Variants in CPNE2 observed in about 807,000 individuals in gnomAD.
CPNE2 encodes copine 2, also known as copine-2.
A neutral mutation model predicts 69.7 loss-of-function variants in CPNE2; 42 were observed. That is an observed-to-expected ratio of 0.60 (90% CI 0.47 to 0.78). The LOEUF (loss-of-function observed/expected upper bound fraction) is 0.78. Among genes scored for constraint, CPNE2 ranks in the 30% least tolerant of loss-of-function variants. The pLI, the probability that CPNE2 is intolerant of heterozygous loss-of-function variation, is 0.00. For missense variants in CPNE2, 587 were observed against 732.0 expected (o/e 0.80, Z 2.29); for synonymous variants, 294 against 289.8 (o/e 1.01, Z -0.15).
intron 1 of CPNE2, among the ~76,000 whole-genome samples, chr16:57,099,554 G>C (rs552086659): frequency 6.6e-6 from 1 of 150,560 alleles, no homozygotes; most frequent in Admixed American, 6.6e-5. Context: ...CACATGGTAT[G>C]GTCAGCTTTT....
chr16:57,102,062 C>G (rs2069617799), intron 1 of CPNE2, among the ~76,000 whole-genome samples: 1 of 151,792 alleles, frequency 6.6e-6, no homozygotes, highest in South Asian at 2.1e-4. Flanking sequence ...TTCCCCCCAT[C>G]TCAGCCTCCC....
At chr16:57,114,629 G>A (rs1054307534) in intron 3 of CPNE2, among the ~76,000 whole-genome samples, 3 of 152,110 alleles carry the variant, frequency 2.0e-5, no homozygotes, top group African/African-American at 4.8e-5. Flanking sequence ...TGTGCTCCCC[G>A]CTGCACAGGA....
At chr16:57,117,429 C>T (rs761642388) in intron 4 of CPNE2, 67 bp from the exon 5 acceptor site, 128 of 1,530,504 alleles carry the variant, frequency 8.4e-5, no homozygotes, top group Non-Finnish European at 1.1e-4. Context: ...CCTGGGGCAC[C>T]CTGTGCCATC....
At chr16:57,144,254 T>C (rs1306034989) in intron 14 of CPNE2, 1 of 152,386 alleles carries the variant, frequency 6.6e-6, no homozygotes. Flanking sequence ...GGCACAGTGC[T>C]GGAGCTAGAC....
intron 13 of CPNE2, among the ~76,000 whole-genome samples, chr16:57,135,279 TC>T (rs869172653): frequency 7.5e-6 from 1 of 134,158 alleles, no homozygotes; most frequent in Non-Finnish European, 1.6e-5. Flanking sequence ...TGGCGGGGGA[TC>T]AGGGGGAGGC....
chr16:57,106,283 T>C (rs2069648160), intron 1 of CPNE2: 1 of 151,196 alleles, frequency 6.6e-6, no homozygotes, highest in Non-Finnish European at 1.5e-5. Flanking sequence ...GGAGTTGCAG[T>C]GAGCTGGGGG....
chr16:57,093,501 TC>T (rs2069558041), intron 1 of CPNE2, among the ~76,000 whole-genome samples: 1 of 151,968 alleles, frequency 6.6e-6, no homozygotes, highest in Non-Finnish European at 1.5e-5. Flanking sequence ...TCCCTGCTCT[TC>T]CCACCCCATC....
Position 57,127,902 on chromosome 16 carries a change from A to T in CPNE2, c.1115A>T (p.Lys372Met). ...GGGGCCCAGTTACCCCCAGACTGGA[A>T]GGTGAGTGAAACCGGAGTTAGTTTC... ...GFGAQLPPDW[K>M]VSHEFAINFN... is the part of the protein sequence containing the mutation. The change falls in exon 12 of 16, where the codon AAG (lysine) becomes ATG (methionine). Residue 372 changes from lysine (K) to methionine (M), a missense_variant and splice_region_variant. Physicochemically the swap from Lys to Met is moderately conservative, Grantham distance 95 (BLOSUM62 -1). This residue lies in a region of CPNE2 where 185 missense variants were observed against 252.3 expected (regional missense o/e 0.73). Coordinates refer to ENST00000290776, the MANE Select transcript of CPNE2 (RefSeq NM_152727.6). The T allele has an allele frequency of 6.2e-7, 1 of 1,614,054 alleles. No individual in the cohort carries two copies. Among genetic ancestry groups the T allele is most frequent in the Non-Finnish European group, 8.5e-7 (1 of 1,179,980 alleles).
At position 57,119,654 on chromosome 16, in the gene CPNE2, A is replaced by AG. The variant is rs1449655496; in HGVS notation, c.681+9dup. The AG allele has an allele frequency of 2.5e-6, 4 of 1,598,978 alleles. No individual in the cohort carries two copies. Among genetic ancestry groups the AG allele is most frequent in the Non-Finnish European group, 3.4e-6 (4 of 1,172,002 alleles). On this transcript the variant is annotated splice_donor_region_variant and intron_variant, in intron 7 of 15. Coordinates refer to ENST00000290776, the MANE Select transcript of CPNE2 (RefSeq NM_152727.6). The stretch of plus-strand genomic sequence containing the variant: ...GGACATGGAGAAGCCCATCCAGGTG[A>AG]GGGGGCTCTGGGGACCCTGCTCCCC...
In CPNE2 at chr16:57,131,474, G is replaced by A. The variant is rs187286691; in HGVS notation, c.1117-3301G>A. Among the ~76,000 whole-genome samples, 563 of 152,372 alleles carry A rather than the reference G, an allele frequency of 3.7e-3. 3 individuals are homozygous for A. Among genetic ancestry groups the A allele is most frequent in the Non-Finnish European group, 6.4e-3 (433 of 68,038 alleles). ...GGGCCACAGTGATGCCATTCGGGGG[G>A]CAGGGCGAGCTGGTGCGGCTGGGCC... On this transcript the variant is annotated intron_variant, in intron 12 of 15. Transcript: ENST00000290776.
chr16:57,126,453 A>G (rs2069801794), intron 11 of CPNE2, among the ~76,000 whole-genome samples: 1 of 150,992 alleles, frequency 6.6e-6, no homozygotes, highest in Non-Finnish European at 1.5e-5. Context: ...AGCAGCTAGC[A>G]TGCACGGACC....
At chr16:57,096,096 C>T (rs1272205973) in intron 1 of CPNE2, among the ~76,000 whole-genome samples, 1 of 152,264 alleles carries the variant, frequency 6.6e-6, no homozygotes, top group Non-Finnish European at 1.5e-5. Flanking sequence ...CCCCTCTTTG[C>T]AGCCTCCTGT....
chr16:57,093,970 C>A (rs898259714), intron 1 of CPNE2: 29 of 449,542 alleles, frequency 6.5e-5, no homozygotes, highest in African/African-American at 5.6e-4. Flanking sequence ...CCAGACCCTC[C>A]CCCCCTGTGG....
At chr16:57,137,024 G>T in intron 13 of CPNE2, 125 bp from the exon 14 acceptor site, 2 of 1,367,092 alleles carry the variant, frequency 1.5e-6, no homozygotes, top group Non-Finnish European at 2.0e-6. Flanking sequence ...TGTCTCACAA[G>T]GCCTATGCTA....
intron 1 of CPNE2, among the ~76,000 whole-genome samples, chr16:57,106,676 G>C (rs2069650696): frequency 1.4e-5 from 2 of 145,832 alleles, no homozygotes; most frequent in South Asian, 4.2e-4. Flanking sequence ...ATGTCACAGA[G>C]GGGGCCTGTG....
chr16:57,131,761 G>A (rs990218816), intron 12 of CPNE2, among the ~76,000 whole-genome samples: 2 of 152,176 alleles, frequency 1.3e-5, no homozygotes, highest in East Asian at 1.9e-4. Context: ...ATTCTGACTC[G>A]CCTCACTCCT....
Position 57,146,585 on chromosome 16 carries a change from G to C in CPNE2, c.1539+264G>C, listed in dbSNP as rs2145289990. ...CATCTAGCCTGAGGCTCTGGGGCAGGGCTTCCTGGAGGACCTGCCCTCTAG... is the reference window on the plus strand; with the variant it reads ...CATCTAGCCTGAGGCTCTGGGGCAGCGCTTCCTGGAGGACCTGCCCTCTAG... On this transcript the variant is annotated intron_variant, in intron 15 of 15. Coordinates refer to ENST00000290776, the MANE Select transcript of CPNE2 (RefSeq NM_152727.6). This position sits in a 1 kb window ranked among gnomAD's most constrained non-coding sequence, Gnocchi z 4.4. 2.1e-6 allele frequency: 1 copy of C among 476,862 alleles called. No homozygotes were observed. Among genetic ancestry groups the C allele is most frequent in the Middle Eastern group, 5.8e-4 (1 of 1,734 alleles). 29.5% of individuals were successfully genotyped at this position (476,862 alleles called of 1,614,324 possible). A position where few individuals can be genotyped will look rare whatever the true frequency, so the allele number is the denominator to read the frequency against.
At chr16:57,099,758 T>C (rs1172142716) in intron 1 of CPNE2, among the ~76,000 whole-genome samples, 1 of 150,652 alleles carries the variant, frequency 6.6e-6, no homozygotes, top group African/African-American at 2.4e-5. Flanking sequence ...TCCGCCACCA[T>C]GTCCGGCTAA....
At chr16:57,128,197 G>A (rs2069813987) in intron 12 of CPNE2, among the ~76,000 whole-genome samples, 1 of 152,068 alleles carries the variant, frequency 6.6e-6, no homozygotes, top group South Asian at 2.1e-4. Flanking sequence ...TTGAATTTCA[G>A]GTAAACAATG....
Sources: allele counts gnomAD v4.1 joint callset (sites outside exome capture counted in the v4.1 genomes callset), GRCh38; gene constraint gnomAD v4.1.1; regional missense constraint gnomAD v4.1.1; non-coding constraint Gnocchi (gnomAD v3.1); transcripts MANE v1.5; gene names NCBI Gene and HGNC (gene_info 2026-07-23, HGNC 2026-07-21).